MSH4: variants seen among roughly 807,000 people sequenced by gnomAD.
MSH4 encodes mutS protein homolog 4.
MSH4 carries 106 observed loss-of-function variants against 113.7 expected under a neutral mutation model. The observed-to-expected ratio is 0.93, with a 90% CI of 0.80 to 1.10. The LOEUF is 1.10. MSH4 is among the 50% of genes least tolerant of loss of function. The pLI is 0.00. For synonymous variants in MSH4, 368 were observed against 380.2 expected, an observed-to-expected ratio of 0.97 and a Z score of 0.37; for missense variants, 1,061 against 1,093.7, an observed-to-expected ratio of 0.97 and a Z score of 0.42.
intron 17 of MSH4, among the ~76,000 whole-genome samples, chr1:75,891,669 G>C (rs2100583616): frequency 6.6e-6 from 1 of 152,154 alleles, no homozygotes; most frequent in Middle Eastern, 3.4e-3. Context: ...ACCCAGGCTG[G>C]TCTTGAACTC....
chr1:75,879,217 C>G, intron 12 of MSH4, 89 bp downstream of exon 12: 1 of 1,245,718 alleles, frequency 8.0e-7, no homozygotes. Flanking sequence ...TTTTGCAAGC[C>G]AAATTTCTGA....
At chr1:75,812,232 A>G (rs1650205797) in intron 4 of MSH4, among the ~76,000 whole-genome samples, 1 of 152,214 alleles carries the variant, frequency 6.6e-6, no homozygotes, top group Non-Finnish European at 1.5e-5. Context: ...AACAAAGCCA[A>G]ACACTAGCTA....
chr1:75,810,284 G>A (rs1650160361), intron 3 of MSH4, among the ~76,000 whole-genome samples: 1 of 151,774 alleles, frequency 6.6e-6, no homozygotes, highest in South Asian at 2.1e-4. Context: ...AGACTGGCGT[G>A]CAAAGGTGCC....
intron 8 of MSH4, among the ~76,000 whole-genome samples, chr1:75,854,013 G>GTGTATATATA (rs1353448679): frequency 8.6e-6 from 1 of 116,854 alleles, no homozygotes; most frequent in Non-Finnish European, 1.9e-5. Context: ...GTGTGTGTGT[G>GTGTATATATA]TATATATATA....
chr1:75,834,543 A>G (rs1009051505), intron 7 of MSH4, among the ~76,000 whole-genome samples: 1 of 152,224 alleles, frequency 6.6e-6, no homozygotes, highest in African/African-American at 2.4e-5. Context: ...GTGTCCAACA[A>G]TGATAGACTG....
rs1227550546 is a variant in MSH4, at chr1:75,867,689, G to T, written c.1305+101G>T. 1.3e-5 allele frequency: 9 copies of T among 717,528 alleles called. No individual in the cohort carries two copies. The South Asian group carries it at 1.3e-4, about 10-fold the overall frequency. 44.4% of individuals were successfully genotyped at this position (717,528 alleles called of 1,614,324 possible). A position where few individuals can be genotyped will look rare whatever the true frequency, so the allele number is the denominator to read the frequency against. On this transcript the variant is annotated intron_variant, in intron 9 of 19. Coordinates refer to ENST00000263187, the MANE Select transcript of MSH4 (RefSeq NM_002440.4). ...CTCGGAAAATTGCAAGAATAACATG[G>T]CGAATTTCCCATATTTTTTTTCTTT...
intron 14 of MSH4, among the ~76,000 whole-genome samples, chr1:75,882,811 C>T (rs933871247): frequency 5.9e-5 from 9 of 152,046 alleles, no homozygotes; most frequent in African/African-American, 2.2e-4. Flanking sequence ...CCACCGTATT[C>T]CAGCCTGGGT....
chr1:75,891,911 A>T (rs750090595), intron 17 of MSH4, among the ~76,000 whole-genome samples: 6 of 152,228 alleles, frequency 3.9e-5, no homozygotes, highest in Admixed American at 3.9e-4. Flanking sequence ...ACTTAAGATT[A>T]AAAGCTAATT....
rs895904956 is a variant in MSH4 at position 75,816,629 on chromosome 1, T to C, written c.989+83T>C. On this transcript the variant is annotated intron_variant, in intron 6 of 19. Transcript: ENST00000263187. ...AATGGTAACTTTAAAGTTCTTTTTTTCTTTTTTAAATTTTGAGATGGAGTT... is the reference window on the plus strand; with the variant it reads ...AATGGTAACTTTAAAGTTCTTTTTTCCTTTTTTAAATTTTGAGATGGAGTT... The C allele has an allele frequency of 1.3e-5, 12 of 897,094 alleles. No homozygotes were observed. In the East Asian group the frequency reaches 4.0e-4, roughly 30 times the overall value. The allele number at this position is 897,094 out of a possible 1,614,324, so 55.6% of individuals were successfully genotyped here.
At chr1:75,864,291 A>G (rs1165452006) in intron 8 of MSH4, among the ~76,000 whole-genome samples, 1 of 152,174 alleles carries the variant, frequency 6.6e-6, no homozygotes, top group South Asian at 2.1e-4. Context: ...AGTTGCTGAC[A>G]GTTTTTGCAA....
chr1:75,907,234 C>G (rs1045186740), intron 19 of MSH4, among the ~76,000 whole-genome samples: 1 of 151,918 alleles, frequency 6.6e-6, no homozygotes, highest in African/African-American at 2.4e-5. Flanking sequence ...CTAGAAAAGA[C>G]TTTTTCTCTC....
chr1:75,883,480 G>C (rs896179464), intron 14 of MSH4, 141 bp from the exon 15 acceptor site: 2 of 633,628 alleles, frequency 3.2e-6, no homozygotes, highest in African/African-American at 1.9e-5. Context: ...GTGGGGATTT[G>C]GGATAATATA....
chr1:75,890,910 T>C, intron 17 of MSH4, 86 bp downstream of exon 17: 1 of 1,197,720 alleles, frequency 8.3e-7, no homozygotes, highest in South Asian at 1.5e-5. Flanking sequence ...CACCCACAAA[T>C]AGCTTTTAAA....
intron 4 of MSH4, among the ~76,000 whole-genome samples, chr1:75,812,346 A>T (rs1187359925): frequency 6.6e-6 from 1 of 152,140 alleles, no homozygotes. Flanking sequence ...GACTAAGGGA[A>T]TAAGGAGGAG....
At chr1:75,813,712 A>G (rs1034878704) in intron 4 of MSH4, among the ~76,000 whole-genome samples, 2 of 143,596 alleles carry the variant, frequency 1.4e-5, no homozygotes, top group African/African-American at 5.0e-5. Context: ...TACACTTACC[A>G]TAAGAAGACC....
At chr1:75,800,250 A>G (rs1292087410) in intron 1 of MSH4, among the ~76,000 whole-genome samples, 1 of 152,144 alleles carries the variant, frequency 6.6e-6, no homozygotes, top group African/African-American at 2.4e-5. Context: ...ACACGTCTTT[A>G]TGATAGCACC....
intron 17 of MSH4, among the ~76,000 whole-genome samples, chr1:75,894,376 A>C (rs1394441505): frequency 6.6e-6 from 1 of 152,122 alleles, no homozygotes; most frequent in East Asian, 1.9e-4. Flanking sequence ...ATAAGCATAA[A>C]AGTTCTAGGT....
Position 75,881,236 on chromosome 1 carries a change from G to C in MSH4, c.1782-10G>C, listed in dbSNP as rs75621063. 2.9e-6 allele frequency: 3 copies of C among 1,023,644 alleles called. No homozygotes were observed. The highest frequency in any genetic ancestry group is 4.0e-6 in the Non-Finnish European group (3 of 747,138). The allele number at this position is 1,023,644 out of a possible 1,614,324, so 63.4% of individuals were successfully genotyped here. The stretch of plus-strand genomic sequence containing the variant: ...AACATTATTACATGTCTTACCAAAC[G>C]TGTTTTCAGGATAGTGTGCAAACTG... On this transcript the variant is annotated splice_polypyrimidine_tract_variant and intron_variant, in intron 13 of 19. Coordinates refer to ENST00000263187, the MANE Select transcript of MSH4 (RefSeq NM_002440.4).
intron 7 of MSH4, among the ~76,000 whole-genome samples, chr1:75,844,995 C>A (rs535793824): frequency 3.0e-4 from 45 of 152,296 alleles, no homozygotes; most frequent in Non-Finnish European, 1.2e-4. Context: ...GGAAGGGGAG[C>A]AAACTCATCC....
Sources: gnomAD v4.1 joint callset for allele counts (sites outside exome capture counted in the v4.1 genomes callset) on GRCh38, gnomAD v4.1.1 for gene constraint, MANE v1.5 for transcripts, NCBI Gene and HGNC (gene_info 2026-07-23, HGNC 2026-07-21) for gene names.